PIK3C2A: variants seen among roughly 807,000 people sequenced by gnomAD.
PIK3C2A encodes the protein phosphatidylinositol 4-phosphate 3-kinase C2 domain-containing subunit alpha.
In PIK3C2A, 97 loss-of-function variants were observed where a neutral mutation model predicts 204.5. That is an observed-to-expected ratio of 0.47 (90% CI 0.40 to 0.56). The LOEUF is 0.56. Among genes scored for constraint, PIK3C2A ranks in the 20% least tolerant of loss-of-function variants. The pLI, the probability that PIK3C2A is intolerant of heterozygous loss-of-function variation, is 0.00. For synonymous variants in PIK3C2A, 653 were observed against 664.4 expected (o/e 0.98, Z 0.26); for missense variants, 1,735 against 1,969.2 (o/e 0.88, Z 2.25).
rs777188587 is a variant in PIK3C2A, at chr11:17,110,413, A to T, written c.3544+19T>A. ...TCAAGGAAAAAAATAAGACATCAAG[A>T]CACAGCTAATAAACTTACCTCGATC... is the stretch of plus-strand genomic sequence containing the variant. On this transcript the variant is annotated intron_variant, in intron 22 of 32. Coordinates refer to ENST00000691414, the MANE Select transcript of PIK3C2A (RefSeq NM_002645.4). The T allele has an allele frequency of 5.0e-6, 8 of 1,597,216 alleles. No homozygotes were observed. Among genetic ancestry groups the T allele is most frequent in the African/African-American group, 1.3e-5 (1 of 74,360 alleles).
At chr11:17,207,066 T>C (rs1260313720) in intron 1 of PIK3C2A, among the ~76,000 whole-genome samples, 1 of 152,174 alleles carries the variant, frequency 6.6e-6, no homozygotes, top group Non-Finnish European at 1.5e-5. Flanking sequence ...TTCTCCTTCC[T>C]CATTTCCCTC....
chr11:17,195,373 A>C (rs1238461455), intron 1 of PIK3C2A, among the ~76,000 whole-genome samples: 1 of 151,842 alleles, frequency 6.6e-6, no homozygotes, highest in Non-Finnish European at 1.5e-5. Flanking sequence ...AGATGGCGCC[A>C]CTGCATTCCA....
At chr11:17,096,398 T>A (rs1848458605) in intron 27 of PIK3C2A, among the ~76,000 whole-genome samples, 1 of 152,164 alleles carries the variant, frequency 6.6e-6, no homozygotes, top group Non-Finnish European at 1.5e-5. Context: ...CCAAGTAGGA[T>A]CTATCTATAG....
chr11:17,156,728 C>T (rs1247000758), intron 2 of PIK3C2A, among the ~76,000 whole-genome samples: 1 of 152,102 alleles, frequency 6.6e-6, no homozygotes, highest in East Asian at 1.9e-4. Flanking sequence ...ATGTCAGAGC[C>T]CTTTCTGCTA....
chr11:17,101,825 G>A lies in PIK3C2A; in HGVS notation c.3852-391C>T, dbSNP rs184360111. Among the ~76,000 whole-genome samples the A allele has an allele frequency of 4.5e-3, 690 of 151,708 alleles. 4 individuals are homozygous for A. The highest frequency in any genetic ancestry group is 7.4e-3 in the African/African-American group (307 of 41,426). On this transcript the variant is annotated intron_variant, in intron 24 of 32. Coordinates refer to ENST00000691414, the MANE Select transcript of PIK3C2A (RefSeq NM_002645.4). ...TCACCGTGTTAGCCAGGATGGTCTC[G>A]ATCTCCTGACCTTGTGATCCGCCCG...
intron 13 of PIK3C2A, 59 bp from the exon 14 acceptor site, chr11:17,122,872 C>T: frequency 2.8e-6 from 2 of 724,290 alleles, no homozygotes; most frequent in Non-Finnish European, 4.7e-6. Flanking sequence ...TCAAAATTTA[C>T]AACACATGTA....
intron 3 of PIK3C2A, among the ~76,000 whole-genome samples, chr11:17,153,986 T>C (rs1850502472): frequency 2.0e-5 from 3 of 152,238 alleles, no homozygotes; most frequent in African/African-American, 7.2e-5. Context: ...TGCTCTAGTA[T>C]TTGTTGCAGT....
At chr11:17,167,352 G>A (rs918140502) in intron 2 of PIK3C2A, among the ~76,000 whole-genome samples, 3 of 152,070 alleles carry the variant, frequency 2.0e-5, no homozygotes, top group Non-Finnish European at 4.4e-5. Flanking sequence ...GCCGGGCATG[G>A]TGGCTCACGC....
At position 17,091,760 on chromosome 11, in the gene PIK3C2A, A is replaced by C. The variant is rs907963694; in HGVS notation, c.4643-104T>G. On this transcript the variant is annotated intron_variant, in intron 30 of 32. Transcript: ENST00000691414. ...CAAGACTGTCACATGTGGTGCGGAC[A>C]GAAGGGAGGGGAAAAAGGAGTAAAC... The C allele has an allele frequency of 1.0e-5, 8 of 774,412 alleles. No homozygotes were observed. The Admixed American group carries it at 2.2e-4, about 21-fold the overall frequency. The allele number at this position is 774,412 out of a possible 1,614,324, so 48.0% of individuals were successfully genotyped here.
intron 25 of PIK3C2A, among the ~76,000 whole-genome samples, chr11:17,100,267 A>G (rs1292464456): frequency 0.01 from 704 of 67,084 alleles, no homozygotes; most frequent in Non-Finnish European, 0.011. Context: ...GGGGGCAGGG[A>G]GCCGGGTGCG....
intron 24 of PIK3C2A, among the ~76,000 whole-genome samples, chr11:17,101,704 T>C (rs556188210): frequency 0.01 from 1,567 of 151,390 alleles, 22 homozygotes; most frequent in Non-Finnish European, 0.015. Flanking sequence ...CCTGGGTTCA[T>C]GACATTCTCC....
chr11:17,094,123 G>T, intron 28 of PIK3C2A, 138 bp downstream of exon 28: 2 of 561,078 alleles, frequency 3.6e-6, no homozygotes, highest in East Asian at 3.1e-5. Context: ...TTTTGTATTA[G>T]GTCTTTATGA....
intron 19 of PIK3C2A, among the ~76,000 whole-genome samples, chr11:17,116,699 C>G (rs1172073126): frequency 1.3e-5 from 2 of 151,982 alleles, no homozygotes; most frequent in African/African-American, 2.4e-5. Context: ...ACGCCATTCT[C>G]CTGCCTCAGC....
In PIK3C2A at chr11:17,169,460, C is replaced by T; in HGVS notation, c.282G>A (p.Lys94=). Residue 94 remains lysine, a synonymous_variant, in exon 2 of 33, where the codon AAG becomes AAA. Transcript: ENST00000691414. ...GTTTCTCAAGTTCAGCTTGGGTGAG[C>T]TTTTCTACATCAATATCTAATGCTC... is the stretch of plus-strand genomic sequence containing the variant. The part of the protein sequence containing the change: ...QKRALDIDVE[K]LTQAELEKLL... 6.2e-7 allele frequency: 1 copy of T among 1,614,074 alleles called. No homozygotes were observed.
intron 2 of PIK3C2A, among the ~76,000 whole-genome samples, chr11:17,162,343 A>G (rs1048968430): frequency 1.3e-5 from 2 of 151,784 alleles, no homozygotes; most frequent in African/African-American, 4.8e-5. Context: ...TCCATCTAAA[A>G]AAAAAAAACA....
At chr11:17,111,556 A>G (rs1253031181) in intron 21 of PIK3C2A, among the ~76,000 whole-genome samples, 1 of 152,158 alleles carries the variant, frequency 6.6e-6, no homozygotes, top group Non-Finnish European at 1.5e-5. Flanking sequence ...AATTATGGAA[A>G]AGAATAAGGA....
intron 21 of PIK3C2A, among the ~76,000 whole-genome samples, chr11:17,111,496 A>G (rs1848998076): frequency 6.6e-6 from 1 of 152,222 alleles, no homozygotes; most frequent in South Asian, 2.1e-4. Context: ...AACTGGATAA[A>G]ATAATTTAAA....
At chr11:17,140,505 A>G (rs765320438) in intron 8 of PIK3C2A, among the ~76,000 whole-genome samples, 1 of 152,180 alleles carries the variant, frequency 6.6e-6, no homozygotes, top group Non-Finnish European at 1.5e-5. Context: ...CTACTACAAC[A>G]TGGATGAACC....
intron 1 of PIK3C2A, among the ~76,000 whole-genome samples, chr11:17,176,664 T>C (rs910344371): frequency 4.6e-5 from 7 of 151,986 alleles, no homozygotes; most frequent in Admixed American, 1.3e-4. Context: ...AGCATGCCTG[T>C]AGTCTCAGCT....
Sources: allele counts gnomAD v4.1 joint callset (sites outside exome capture counted in the v4.1 genomes callset), GRCh38; gene constraint gnomAD v4.1.1; transcripts MANE v1.5; gene names NCBI Gene and HGNC (gene_info 2026-07-23, HGNC 2026-07-21).